The following CNTN1 variants were observed in gnomAD, a reference collection of about 807,000 sequenced individuals.
The protein encoded by CNTN1 is contactin-1.
A neutral mutation model predicts 126.4 loss-of-function variants in CNTN1; 38 were observed. The ratio of observed to expected loss-of-function variants is 0.30; its 90% CI spans 0.23 to 0.39. CNTN1 has a LOEUF of 0.39. Among genes scored for constraint, CNTN1 ranks in the 10% least tolerant of loss-of-function variants. The pLI, the probability that CNTN1 is intolerant of heterozygous loss-of-function variation, is 1.00. For missense variants in CNTN1, 1,009 were observed against 1,248.4 expected (o/e 0.81, Z 2.89); for synonymous variants, 413 against 422.6 (o/e 0.98, Z 0.28).
At chr12:40,809,606 C>T (rs1038876277) in intron 1 of CNTN1, among the ~76,000 whole-genome samples, 3 of 152,106 alleles carry the variant, frequency 2.0e-5, no homozygotes, top group African/African-American at 2.4e-5. Context: ...AGGCGGATCA[C>T]GAGGTCAGGA....
chr12:40,806,078 C>T (rs1180625880), intron 1 of CNTN1, among the ~76,000 whole-genome samples: 1 of 152,256 alleles, frequency 6.6e-6, no homozygotes, highest in East Asian at 1.9e-4. Flanking sequence ...AGGTAGAATG[C>T]TGTTGCTTGA....
chr12:41,006,191 C>T (rs1289745174), intron 17 of CNTN1, among the ~76,000 whole-genome samples: 1 of 152,194 alleles, frequency 6.6e-6, no homozygotes, highest in Non-Finnish European at 1.5e-5. Flanking sequence ...CCAACATTCA[C>T]CTCCCAATTC....
At chr12:40,773,569 C>G (rs1394487201) in intron 1 of CNTN1, among the ~76,000 whole-genome samples, 1 of 149,572 alleles carries the variant, frequency 6.7e-6, no homozygotes, top group Admixed American at 6.7e-5. Flanking sequence ...ACAGTGTTAG[C>G]TTTATGATAG....
chr12:40,822,409 G>A (rs1244936054), intron 1 of CNTN1, among the ~76,000 whole-genome samples: 1 of 151,510 alleles, frequency 6.6e-6, no homozygotes, highest in Admixed American at 6.6e-5. Flanking sequence ...CTCGCCTCGG[G>A]CTCCCAAAGT....
chr12:40,922,989 A>AAAAAG, intron 5 of CNTN1, among the ~76,000 whole-genome samples: 1 of 147,558 alleles, frequency 6.8e-6, no homozygotes, highest in African/African-American at 2.5e-5. Flanking sequence ...AAAAAAAAAA[A>AAAAAG]GACATCAATG....
chr12:40,925,800 TTATATATATATA>T (rs370971706), intron 6 of CNTN1, among the ~76,000 whole-genome samples: 19,329 of 116,560 alleles, frequency 0.17, 1,751 homozygotes, highest in African/African-American at 0.26. Context: ...ACTATTGAAA[TTATATATATATA>T]TATATATATA....
Position 40,929,829 on chromosome 12 carries a change from T to G in CNTN1, c.530T>G (p.Phe177Cys). Reference protein sequence around the residue: ...DLSYRWLLNEFPVFITMDKRR... With the variant: ...DLSYRWLLNECPVFITMDKRR... Reference sequence around the variant, plus strand: ...AGCTATCGCTGGCTTCTAAATGAATTTCCTGTATTTATCACAATGGATAAA... The same window carrying G: ...AGCTATCGCTGGCTTCTAAATGAATGTCCTGTATTTATCACAATGGATAAA... Residue 177 changes from phenylalanine to cysteine, a missense_variant, in exon 7 of 24, where the codon TTT (phenylalanine) becomes TGT (cysteine). Physicochemically the swap from Phe to Cys is radical, Grantham distance 205 (BLOSUM62 -2). Coordinates refer to ENST00000551295, the MANE Select transcript of CNTN1 (RefSeq NM_001843.4). 1 of 1,612,368 alleles carries G rather than the reference T, an allele frequency of 6.2e-7. No individual in the cohort carries two copies. Among genetic ancestry groups the G allele is most frequent in the Non-Finnish European group, 8.5e-7 (1 of 1,178,882 alleles).
rs1945971858 is a variant in CNTN1 at position 40,933,569 on chromosome 12, A to T, written c.803+9A>T. ...TGTTTTGCACTTGGAAAGTAAGTAT[A>T]CTGACACTTTTATTAATATATATAG... On this transcript the variant is annotated intron_variant, in intron 8 of 23. Coordinates refer to ENST00000551295, the MANE Select transcript of CNTN1 (RefSeq NM_001843.4). 6.3e-7 allele frequency: 1 copy of T among 1,575,970 alleles called. No individual in the cohort carries two copies. Among genetic ancestry groups the T allele is most frequent in the East Asian group, 2.2e-5 (1 of 44,588 alleles).
At chr12:40,740,232 C>A (rs549663958) in intron 1 of CNTN1, among the ~76,000 whole-genome samples, 79 of 152,066 alleles carry the variant, frequency 5.2e-4, no homozygotes, top group Non-Finnish European at 7.7e-4. Flanking sequence ...GAAGTTGTGA[C>A]CTTTGATTTG....
intron 1 of CNTN1, among the ~76,000 whole-genome samples, 166 bp downstream of exon 1, chr12:40,692,758 T>TGGGGTGCGGGGAAGCA (rs1941333245): frequency 6.6e-6 from 1 of 152,138 alleles, no homozygotes; most frequent in Non-Finnish European, 1.5e-5. Context: ...CGGAGGTGGC[T>TGGGGTGCGGGGAAGCA]GGGGTGCGGG....
intron 23 of CNTN1, among the ~76,000 whole-genome samples, chr12:41,044,005 G>C (rs1358037318): frequency 3.7e-5 from 4 of 109,060 alleles, no homozygotes; most frequent in Admixed American, 3.0e-4. Flanking sequence ...GTTGTGGGGT[G>C]GGGGGAGGGG....
chr12:40,706,147 A>G (rs1408711253), intron 1 of CNTN1, among the ~76,000 whole-genome samples: 2 of 151,694 alleles, frequency 1.3e-5, no homozygotes, highest in African/African-American at 4.8e-5. Flanking sequence ...TTTAAGTTCT[A>G]GGGTACATGT....
At chr12:41,064,930 G>T (rs1950018077) in intron 23 of CNTN1, among the ~76,000 whole-genome samples, 1 of 152,028 alleles carries the variant, frequency 6.6e-6, no homozygotes, top group Non-Finnish European at 1.5e-5. Flanking sequence ...GCCAGTAAAA[G>T]GCAGAGGTAG....
intron 3 of CNTN1, among the ~76,000 whole-genome samples, chr12:40,916,271 A>G (rs1325403241): frequency 2.6e-5 from 4 of 152,248 alleles, no homozygotes; most frequent in Non-Finnish European, 5.9e-5. Flanking sequence ...GCATTTTTAT[A>G]TGCATTGAGA....
At chr12:40,800,702 TC>T (rs1280825786) in intron 1 of CNTN1, among the ~76,000 whole-genome samples, 1 of 151,970 alleles carries the variant, frequency 6.6e-6, no homozygotes, top group Admixed American at 6.6e-5. Context: ...GGCAGTCGTC[TC>T]CACATCAGAT....
intron 1 of CNTN1, among the ~76,000 whole-genome samples, chr12:40,811,622 A>G (rs1168771622): frequency 6.6e-6 from 1 of 151,872 alleles, no homozygotes. Flanking sequence ...TTCATAATTC[A>G]ATCTTGATAG....
At chr12:40,842,836 G>A (rs1272718260) in intron 1 of CNTN1, among the ~76,000 whole-genome samples, 1 of 152,082 alleles carries the variant, frequency 6.6e-6, no homozygotes, top group Admixed American at 6.5e-5. Flanking sequence ...TAGACTTTTA[G>A]GGATTTGTTA....
At chr12:40,818,847 G>T (rs183611900) in intron 1 of CNTN1, among the ~76,000 whole-genome samples, 1 of 152,144 alleles carries the variant, frequency 6.6e-6, no homozygotes, top group Admixed American at 6.5e-5. Context: ...CCTTTGGATG[G>T]GGTTTTTCTG....
At chr12:41,064,074 TGAGGCAGGAGAATGGCGTGAACCCGG>T (rs1949997872) in intron 23 of CNTN1, among the ~76,000 whole-genome samples, 1 of 150,908 alleles carries the variant, frequency 6.6e-6, no homozygotes, top group African/African-American at 2.4e-5. Context: ...CTCGGGAGGC[TGAGGCAGGAGAATGGCGTGAACCCGG>T]GAGGCAGAGC....
Sources: gnomAD v4.1 joint callset for allele counts (sites outside exome capture counted in the v4.1 genomes callset) on GRCh38, gnomAD v4.1.1 for gene constraint, MANE v1.5 for transcripts, NCBI Gene and HGNC (gene_info 2026-07-23, HGNC 2026-07-21) for gene names.